Variants in ANGPTL2 observed in about 807,000 individuals in gnomAD.
The protein encoded by ANGPTL2 is angiopoietin-related protein 2.
In ANGPTL2, 25 loss-of-function variants were observed where a neutral mutation model predicts 52.8. The observed-to-expected ratio is 0.47, with a 90% confidence interval of 0.35 to 0.66. The LOEUF (loss-of-function observed/expected upper bound fraction) is 0.66, where lower values mean the gene tolerates loss of function less well. Among genes scored for constraint, ANGPTL2 ranks in the 30% least tolerant of loss-of-function variants. The probability of loss-of-function intolerance (pLI) is 0.01; values close to 1 mark genes in which losing one functional copy is unlikely to be tolerated. For missense variants in ANGPTL2, 546 were observed against 656.9 expected, an observed-to-expected ratio of 0.83 and a Z score of 1.84; for synonymous variants, 276 against 277.4, an observed-to-expected ratio of 1.00 and a Z score of 0.05.
At chr9:127,112,672 C>G (rs12343019) in intron 1 of ANGPTL2, among the ~76,000 whole-genome samples, 12,481 of 152,316 alleles carry the variant, frequency 0.082, 1,691 homozygotes, top group African/African-American at 0.28. Context: ...ATCCAACCCA[C>G]CTTGCACACT....
Position 127,120,848 on chromosome 9 carries a change from C to T in ANGPTL2, c.-50+1467G>A, listed in dbSNP as rs371681287. Among the ~76,000 whole-genome samples the T allele has an allele frequency of 1.7e-4, 26 of 151,782 alleles. No individual in the cohort carries two copies. The South Asian group carries it at 2.3e-3, about 13-fold the overall frequency. Reference sequence around the variant, plus strand: ...ATCTCAAAAAAAAAAAAAAAGAATTCGTGTCTCTGCTCTTCCCTTCCCTCT... The same window carrying T: ...ATCTCAAAAAAAAAAAAAAAGAATTTGTGTCTCTGCTCTTCCCTTCCCTCT... On this transcript the variant is annotated intron_variant, in intron 1 of 4. Transcript: ENST00000373425.
Position 127,091,923 on chromosome 9 carries a change from A to G in ANGPTL2, c.1029T>C (p.Ile343=). The G allele has an allele frequency of 6.2e-7, 1 of 1,614,108 alleles. No individual in the cohort carries two copies. Among genetic ancestry groups the G allele is most frequent in the Non-Finnish European group, 8.5e-7 (1 of 1,180,010 alleles). Residue 343 remains isoleucine, a synonymous_variant, in exon 4 of 5, where the codon ATT becomes ATC. Transcript: ENST00000373425. The surrounding 1 kb of genome is among the most constrained non-coding windows in gnomAD (Gnocchi z 4.3). ...WETYKQGFGN[I]DGEYWLGLEN... ...CCAGGCCCAGCCAGTATTCGCCGTC[A>G]ATGTTCCCAAACCCTTGCTGGGGAA...
chr9:127,115,104 C>CGA (rs1407501699), intron 1 of ANGPTL2, among the ~76,000 whole-genome samples: 3 of 152,226 alleles, frequency 2.0e-5, no homozygotes, highest in African/African-American at 7.2e-5. Flanking sequence ...TACTCTATCT[C>CGA]ATTGGCTCTT....
intron 1 of ANGPTL2, among the ~76,000 whole-genome samples, chr9:127,120,498 C>T (rs1005404021): frequency 6.6e-6 from 1 of 152,188 alleles, no homozygotes; most frequent in African/African-American, 2.4e-5. Flanking sequence ...TTTCTGAAAA[C>T]CCTAGCAGGA....
Position 127,107,960 on chromosome 9 carries a change from T to G in ANGPTL2, c.772A>C (p.Met258Leu). The change falls in exon 2 of 5, where the codon ATG becomes CTG. Residue 258 changes from methionine (M) to leucine (L), a missense_variant. Physicochemically the swap from Met to Leu is conservative, Grantham distance 15. Around this residue, in one of 2 missense-constraint regions of ANGPTL2, gnomAD observed 261 missense variants for 361.0 expected, o/e 0.72. Coordinates refer to ENST00000373425, the MANE Select transcript of ANGPTL2 (RefSeq NM_012098.3). Reference protein sequence around the residue: ...LKVLPPPLPTMPTLTSLPSST... With the variant: ...LKVLPPPLPTLPTLTSLPSST... ...GATGGGAGGCTGGTGAGAGTGGGCA[T>G]AGTGGGCAGAGGGGGTGGCAGCACC... is the stretch of plus-strand genomic sequence containing the variant. The G allele has an allele frequency of 6.4e-7, 1 of 1,560,282 alleles. No individual in the cohort carries two copies. Among genetic ancestry groups the G allele is most frequent in the African/African-American group, 1.4e-5 (1 of 74,026 alleles).
chr9:127,093,016 G>A (rs1276694963), intron 3 of ANGPTL2, among the ~76,000 whole-genome samples: 1 of 152,112 alleles, frequency 6.6e-6, no homozygotes, highest in East Asian at 1.9e-4. Flanking sequence ...TCATCTGTAA[G>A]CTGGGTCCAT....
Position 127,112,276 on chromosome 9 carries a change from A to G in ANGPTL2, c.-49-3496T>C, listed in dbSNP as rs542881719. ...TTTGGAAGTGTTTGCCTCGTTTCCA[A>G]CGGTGCTTTGGCTGCCCCTGTGCTA... On this transcript the variant is annotated intron_variant, in intron 1 of 4. Coordinates refer to ENST00000373425, the MANE Select transcript of ANGPTL2 (RefSeq NM_012098.3). Among the ~76,000 whole-genome samples, 9 of 152,294 alleles carry G rather than the reference A, an allele frequency of 5.9e-5. No individual in the cohort carries two copies. In the South Asian group the frequency reaches 1.2e-3, roughly 21 times the overall value.
In ANGPTL2 at chr9:127,108,332, C is replaced by T. The variant is rs758180178; in HGVS notation, c.400G>A (p.Val134Ile). Residue 134 changes from valine (V) to isoleucine (I), a missense_variant, in exon 2 of 5, where the codon GTC (valine) becomes ATC (isoleucine). Physicochemically the swap from Val to Ile is conservative, Grantham distance 29. Around this residue, in one of 2 missense-constraint regions of ANGPTL2, gnomAD observed 285 missense variants for 295.8 expected, o/e 0.96. Transcript: ENST00000373425. ...RKESRNMNSR[V>I]TQLYMQLLHE... is the part of the protein sequence containing the mutation. Reference sequence around the variant, plus strand: ...AGGAGCTGCATGTAGAGCTGCGTGACCCGCGAGTTCATGTTGCGGCTCTCC... The same window carrying T: ...AGGAGCTGCATGTAGAGCTGCGTGATCCGCGAGTTCATGTTGCGGCTCTCC... 1 of 1,613,114 alleles carries T rather than the reference C, an allele frequency of 6.2e-7. No individual in the cohort carries two copies. The highest frequency in any genetic ancestry group is 1.3e-5 in the African/African-American group (1 of 74,816).
chr9:127,100,434 C>T (rs182225071), intron 2 of ANGPTL2, among the ~76,000 whole-genome samples: 41 of 152,296 alleles, frequency 2.7e-4, no homozygotes, highest in Middle Eastern at 3.4e-3. Flanking sequence ...CAAAGCATTG[C>T]GTCGCTCTTA....
intron 2 of ANGPTL2, among the ~76,000 whole-genome samples, chr9:127,100,102 C>T (rs975131904): frequency 1.2e-4 from 18 of 152,130 alleles, no homozygotes; most frequent in African/African-American, 4.3e-4. Context: ...TTGAAAACAA[C>T]TTGTAGGTTA....
intron 4 of ANGPTL2, among the ~76,000 whole-genome samples, chr9:127,089,713 T>C (rs1433348124): frequency 1.3e-5 from 2 of 152,234 alleles, no homozygotes; most frequent in Admixed American, 1.3e-4. Context: ...AAAGGAAAGA[T>C]ATTTCCATAA....
In ANGPTL2 at chr9:127,087,823, G is replaced by A. The variant is rs1426644574; in HGVS notation, c.*1116C>T. 6.6e-6 allele frequency: 1 copy of A among 152,358 alleles called. No individual in the cohort carries two copies. Among genetic ancestry groups the A allele is most frequent in the Admixed American group, 6.5e-5 (1 of 15,282 alleles). 9.4% of individuals were successfully genotyped at this position (152,358 alleles called of 1,614,324 possible). ...TGGAATCTCTGGTCTGTAGCCATCT[G>A]GGGGCTCTGATGATCTGATGACTTC... On this transcript the variant is annotated 3_prime_UTR_variant, in exon 5 of 5. Coordinates refer to ENST00000373425, the MANE Select transcript of ANGPTL2 (RefSeq NM_012098.3).
rs559375107 is a variant in ANGPTL2, at chr9:127,093,434, C to T, written c.1011+299G>A. 1.2e-4 allele frequency among the ~76,000 whole-genome samples: 18 copies of T among 152,314 alleles called. 1 individual carries two copies. The East Asian group carries it at 2.5e-3, about 21-fold the overall frequency. ...CCTCACCCCTGGGCCCCCATACCAGCGTTTCTAAACTCTCACCCTGTCCTG... is the reference window on the plus strand; with the variant it reads ...CCTCACCCCTGGGCCCCCATACCAGTGTTTCTAAACTCTCACCCTGTCCTG... On this transcript the variant is annotated intron_variant, in intron 3 of 4. Transcript: ENST00000373425.
rs117544201 is a variant in ANGPTL2 at position 127,106,442 on chromosome 9, G to A, written c.817+1473C>T. Among the ~76,000 whole-genome samples the A allele has an allele frequency of 5.3e-4, 81 of 152,316 alleles. 1 individual carries two copies. The East Asian group carries it at 0.01, about 19-fold the overall frequency. Reference sequence around the variant, plus strand: ...GATCAAAGGAGGCTTGTAGTTTACCGTGGACCCAGCATTGTGCTAAACATG... The same window carrying A: ...GATCAAAGGAGGCTTGTAGTTTACCATGGACCCAGCATTGTGCTAAACATG... On this transcript the variant is annotated intron_variant, in intron 2 of 4. Coordinates refer to ENST00000373425, the MANE Select transcript of ANGPTL2 (RefSeq NM_012098.3).
intron 2 of ANGPTL2, among the ~76,000 whole-genome samples, chr9:127,105,944 A>G (rs550442377): frequency 6.6e-6 from 1 of 152,248 alleles, no homozygotes; most frequent in Admixed American, 6.5e-5. Flanking sequence ...TATTGTATCC[A>G]CAGCATAACA....
At chr9:127,093,682 G>A (rs1224224381) in intron 3 of ANGPTL2, 51 bp downstream of exon 3, 1 of 1,600,558 alleles carries the variant, frequency 6.2e-7, no homozygotes, top group African/African-American at 1.3e-5. Context: ...CCTCTCTTGG[G>A]GTGGGCCAGT....
At chr9:127,095,908 C>T (rs146974489) in intron 2 of ANGPTL2, among the ~76,000 whole-genome samples, 1 of 152,336 alleles carries the variant, frequency 6.6e-6, no homozygotes, top group East Asian at 1.9e-4. Context: ...GGCTGTCTTG[C>T]TCATTCCTTG....
At chr9:127,104,666 G>A (rs2054046318) in intron 2 of ANGPTL2, among the ~76,000 whole-genome samples, 1 of 152,212 alleles carries the variant, frequency 6.6e-6, no homozygotes, top group East Asian at 1.9e-4. Flanking sequence ...TCTCAGTAAG[G>A]CTGGGAACAG....
intron 2 of ANGPTL2, among the ~76,000 whole-genome samples, chr9:127,102,115 C>T (rs570648391): frequency 6.6e-6 from 1 of 152,200 alleles, no homozygotes; most frequent in African/African-American, 2.4e-5. Flanking sequence ...GTCTCTGCTG[C>T]CTGCATCCTT....
Sources: allele counts gnomAD v4.1 joint callset (sites outside exome capture counted in the v4.1 genomes callset), GRCh38; gene constraint gnomAD v4.1.1; regional missense constraint gnomAD v4.1.1; non-coding constraint Gnocchi (gnomAD v3.1); transcripts MANE v1.5; gene names NCBI Gene and HGNC (gene_info 2026-07-23, HGNC 2026-07-21).